The following CIMIP2C variants were observed in gnomAD, a reference collection of about 807,000 sequenced individuals.
CIMIP2C encodes UPF0573 protein C2orf70.
At chr2:26,571,733 T>C in the CIMIP2C span, among the ~76,000 whole-genome samples, 1 of 152,140 alleles carries the variant, frequency 6.6e-6, no homozygotes, top group South Asian at 2.1e-4. Context: ...TATGTGTATA[T>C]TCAGACGAGA....
the CIMIP2C span, among the ~76,000 whole-genome samples, chr2:26,566,902 T>C: frequency 6.6e-6 from 1 of 152,164 alleles, no homozygotes; most frequent in Non-Finnish European, 1.5e-5. Flanking sequence ...ATATTTTTTG[T>C]AGAGACAGGG....
At chr2:26,573,425 A>G in the CIMIP2C span, among the ~76,000 whole-genome samples, 3 of 152,224 alleles carry the variant, frequency 2.0e-5, no homozygotes, top group African/African-American at 7.2e-5. Context: ...GGAGGGGGAT[A>G]TTAAAGATGA....
chr2:26,563,399 C>G, the CIMIP2C span, among the ~76,000 whole-genome samples: 3 of 152,326 alleles, frequency 2.0e-5, no homozygotes, highest in East Asian at 5.8e-4. Flanking sequence ...ACATGCAAGT[C>G]TGGCTGTTGC....
the CIMIP2C span, chr2:26,579,282 C>G: frequency 6.2e-7 from 1 of 1,613,548 alleles, no homozygotes; most frequent in Middle Eastern, 1.7e-4. Context: ...CCAGTCCCAT[C>G]CTCACCCCTA....
the CIMIP2C span, chr2:26,576,028 C>T: frequency 2.0e-5 from 32 of 1,614,092 alleles, no homozygotes; most frequent in Admixed American, 1.2e-4. Context: ...TCAGCCAAGG[C>T]GGCCATTTCC....
the CIMIP2C span, among the ~76,000 whole-genome samples, chr2:26,571,468 C>T: frequency 5.9e-5 from 9 of 152,308 alleles, no homozygotes; most frequent in South Asian, 2.1e-4. Flanking sequence ...ACACATGCAC[C>T]CCATGACTCA....
the CIMIP2C span, among the ~76,000 whole-genome samples, chr2:26,571,474 A>G: frequency 6.6e-6 from 1 of 152,140 alleles, no homozygotes; most frequent in Non-Finnish European, 1.5e-5. Flanking sequence ...GCACCCCATG[A>G]CTCAGTAAAC....
chr2:26,579,295 C>A, the CIMIP2C span: 1 of 1,613,904 alleles, frequency 6.2e-7, no homozygotes, highest in East Asian at 2.2e-5. Flanking sequence ...CACCCCTAGG[C>A]CTCCTCTGTG....
the CIMIP2C span, among the ~76,000 whole-genome samples, chr2:26,563,544 G>A: frequency 6.6e-6 from 1 of 152,250 alleles, no homozygotes; most frequent in African/African-American, 2.4e-5. Flanking sequence ...ATTCTGAGAG[G>A]CAACCTGTAC....
the CIMIP2C span, among the ~76,000 whole-genome samples, chr2:26,572,442 G>A: frequency 1.3e-5 from 2 of 151,096 alleles, no homozygotes; most frequent in East Asian, 3.9e-4. Context: ...TGCTTTAGTT[G>A]CTGAGCCCTT....
chr2:26,564,026 G>A, the CIMIP2C span, among the ~76,000 whole-genome samples: 1 of 152,188 alleles, frequency 6.6e-6, no homozygotes, highest in African/African-American at 2.4e-5. Flanking sequence ...ACATTCATGT[G>A]GGTCAGTGCT....
chr2:26,578,268 C>T, the CIMIP2C span: 1 of 162,100 alleles, frequency 6.2e-6, no homozygotes, highest in South Asian at 1.8e-4. Context: ...ACGAGGTGTC[C>T]TGGAGTGGGG....
the CIMIP2C span, among the ~76,000 whole-genome samples, chr2:26,570,247 A>C: frequency 0.66 from 100,892 of 152,066 alleles, 35,043 homozygotes; most frequent in Admixed American, 0.77. Flanking sequence ...GAATCACGAG[A>C]ACACATCATT....
At chr2:26,566,658 C>A in the CIMIP2C span, among the ~76,000 whole-genome samples, 3 of 152,194 alleles carry the variant, frequency 2.0e-5, no homozygotes, top group Admixed American at 2.0e-4. Context: ...CAAACACAGA[C>A]GATAGTAACG....
At chr2:26,577,689 C>G in the CIMIP2C span, 1 of 1,240,774 alleles carries the variant, frequency 8.1e-7, no homozygotes. Context: ...GGCACCTGCT[C>G]TCGGCCAGGC....
At chr2:26,579,360 C>T in the CIMIP2C span, 5 of 1,614,060 alleles carry the variant, frequency 3.1e-6, no homozygotes, top group East Asian at 2.2e-5. Flanking sequence ...TGAAGACCTA[C>T]CAGACCTTCC....
chr2:26,569,351 A>G, the CIMIP2C span, among the ~76,000 whole-genome samples: 2 of 152,178 alleles, frequency 1.3e-5, no homozygotes, highest in African/African-American at 2.4e-5. Flanking sequence ...GCGGCTGGAA[A>G]GCATTCTCAC....
the CIMIP2C span, among the ~76,000 whole-genome samples, chr2:26,564,901 G>A: frequency 6.6e-6 from 1 of 152,188 alleles, no homozygotes; most frequent in Non-Finnish European, 1.5e-5. Flanking sequence ...CCCCACGCTG[G>A]TGATTGAAGT....
At chr2:26,579,245 C>T in the CIMIP2C span, 3 of 1,599,054 alleles carry the variant, frequency 1.9e-6, no homozygotes, top group Non-Finnish European at 2.6e-6. Context: ...CACGCACCAC[C>T]TTCCTTCCCT....
Sources: allele counts gnomAD v4.1 joint callset (sites outside exome capture counted in the v4.1 genomes callset), GRCh38; gene constraint gnomAD v4.1.1; transcripts MANE v1.5; gene names NCBI Gene and HGNC (gene_info 2026-07-23, HGNC 2026-07-21).